The following SERPINI1 variants were observed in gnomAD, a reference collection of about 807,000 sequenced individuals.
SERPINI1 encodes neuroserpin.
A neutral mutation model predicts 41.1 loss-of-function variants in SERPINI1; 19 were observed. The observed-to-expected ratio is 0.46, with a 90% confidence interval of 0.32 to 0.68. SERPINI1 has a LOEUF of 0.68. Ranked by LOEUF, SERPINI1 falls within the 30% of genes least tolerant of loss-of-function variation. The pLI is 0.03. For missense variants in SERPINI1, 460 were observed against 479.2 expected (o/e 0.96, Z 0.37); for synonymous variants, 138 against 156.6 (o/e 0.88, Z 0.89).
At chr3:167,757,577 A>T (rs1434569817) in intron 1 of SERPINI1, among the ~76,000 whole-genome samples, 1 of 152,168 alleles carries the variant, frequency 6.6e-6, no homozygotes, top group South Asian at 2.1e-4. Context: ...ACTTGTAATC[A>T]TACTCCGTGT....
chr3:167,801,645 G>A (rs1213108805), intron 5 of SERPINI1, among the ~76,000 whole-genome samples: 1 of 152,020 alleles, frequency 6.6e-6, no homozygotes, highest in African/African-American at 2.4e-5. Context: ...GAGCATCATG[G>A]AAATCATTAA....
intron 1 of SERPINI1, among the ~76,000 whole-genome samples, chr3:167,781,962 C>T (rs905893815): frequency 2.6e-5 from 4 of 151,994 alleles, no homozygotes; most frequent in Admixed American, 2.6e-4. Context: ...TACACATATA[C>T]ACTTATATGC....
intron 1 of SERPINI1, among the ~76,000 whole-genome samples, chr3:167,784,200 A>T (rs1181363378): frequency 6.6e-6 from 1 of 152,108 alleles, no homozygotes; most frequent in Non-Finnish European, 1.5e-5. Flanking sequence ...GTCAGTGAAT[A>T]TTCTGGCCAG....
At chr3:167,803,413 C>A (rs898321852) in intron 5 of SERPINI1, among the ~76,000 whole-genome samples, 1 of 151,958 alleles carries the variant, frequency 6.6e-6, no homozygotes, top group Non-Finnish European at 1.5e-5. Context: ...ACATACGACA[C>A]CCTAACATCT....
chr3:167,812,599 T>C (rs1711931167), intron 6 of SERPINI1, among the ~76,000 whole-genome samples: 1 of 152,236 alleles, frequency 6.6e-6, no homozygotes, highest in Non-Finnish European at 1.5e-5. Context: ...GTGTCTAATA[T>C]TCCCTGCCAG....
intron 7 of SERPINI1, among the ~76,000 whole-genome samples, 179 bp from the exon 8 acceptor site, chr3:167,824,294 A>G (rs1049422645): frequency 6.6e-6 from 1 of 152,132 alleles, no homozygotes; most frequent in Non-Finnish European, 1.5e-5. Context: ...TTGCTTTTTA[A>G]AAAGATCAAG....
At chr3:167,777,725 T>A (rs762568155) in intron 1 of SERPINI1, among the ~76,000 whole-genome samples, 1 of 152,218 alleles carries the variant, frequency 6.6e-6, no homozygotes, top group Non-Finnish European at 1.5e-5. Flanking sequence ...CTGTTGGCAC[T>A]ACATATTCTC....
intron 6 of SERPINI1, among the ~76,000 whole-genome samples, chr3:167,817,790 G>A (rs930751217): frequency 4.4e-4 from 66 of 151,520 alleles, no homozygotes; most frequent in African/African-American, 1.5e-3. Flanking sequence ...TAGTAGAGAC[G>A]GGGTTTCACC....
At chr3:167,760,290 A>T (rs1726335974) in intron 1 of SERPINI1, among the ~76,000 whole-genome samples, 2 of 151,978 alleles carry the variant, frequency 1.3e-5, no homozygotes, top group East Asian at 1.9e-4. Flanking sequence ...AGATGTTACC[A>T]TAGTTGCAAT....
chr3:167,807,442 A>G, intron 6 of SERPINI1, 101 bp downstream of exon 6: 1 of 769,342 alleles, frequency 1.3e-6, no homozygotes, highest in Non-Finnish European at 2.2e-6. Context: ...GGGGTAAAAT[A>G]TAGTTACCAC....
At chr3:167,804,979 T>A (rs1711578153) in intron 5 of SERPINI1, among the ~76,000 whole-genome samples, 1 of 152,282 alleles carries the variant, frequency 6.6e-6, no homozygotes, top group East Asian at 1.9e-4. Flanking sequence ...AACTATTTTT[T>A]AAGTTAATAT....
At chr3:167,816,568 T>A (rs1712096355) in intron 6 of SERPINI1, among the ~76,000 whole-genome samples, 1 of 152,200 alleles carries the variant, frequency 6.6e-6, no homozygotes, top group African/African-American at 2.4e-5. Flanking sequence ...GTTAGCTCAT[T>A]CTTTAGACCC....
At chr3:167,772,820 G>C (rs1726803558) in intron 1 of SERPINI1, among the ~76,000 whole-genome samples, 1 of 67,734 alleles carries the variant, frequency 1.5e-5, no homozygotes. Context: ...GCAGTATCTT[G>C]AGACTCTCTC....
At chr3:167,748,391 T>A (rs1285838314) in intron 1 of SERPINI1, among the ~76,000 whole-genome samples, 1 of 152,182 alleles carries the variant, frequency 6.6e-6, no homozygotes. Flanking sequence ...TCAAGGAAGG[T>A]AATTTATATT....
chr3:167,823,782 C>A (rs1031959477), intron 7 of SERPINI1, among the ~76,000 whole-genome samples: 1 of 152,060 alleles, frequency 6.6e-6, no homozygotes, highest in African/African-American at 2.4e-5. Flanking sequence ...TAGTATTTTC[C>A]GAAGTAAATA....
At chr3:167,746,954 A>T (rs1725878813) in intron 1 of SERPINI1, among the ~76,000 whole-genome samples, 1 of 152,216 alleles carries the variant, frequency 6.6e-6, no homozygotes, top group South Asian at 2.1e-4. Flanking sequence ...AGTTGAAAAA[A>T]TGTTTGTCTA....
At chr3:167,789,015 T>C in intron 1 of SERPINI1, 96 bp from the exon 2 acceptor site, 1 of 1,194,066 alleles carries the variant, frequency 8.4e-7, no homozygotes. Flanking sequence ...TAACTGTTAA[T>C]TGACTTTTTA....
At chr3:167,747,122 T>C (rs1306337733) in intron 1 of SERPINI1, among the ~76,000 whole-genome samples, 2 of 152,206 alleles carry the variant, frequency 1.3e-5, no homozygotes, top group Non-Finnish European at 2.9e-5. Context: ...TACTACAGCA[T>C]GGATGGCCCT....
Position 167,824,472 on chromosome 3 carries a change from G to A in SERPINI1, c.1067-1G>A. ...ATAATTACTTTTTATCTGCACTGTAGGAATGATTGCAATTAGTAGGATGGC... is the reference window on the plus strand; with the variant it reads ...ATAATTACTTTTTATCTGCACTGTAAGAATGATTGCAATTAGTAGGATGGC... On this transcript the variant is annotated splice_acceptor_variant, in intron 7 of 8. Transcript: ENST00000446050. LOFTEE classifies it high-confidence loss of function. The A allele has an allele frequency of 6.2e-7, 1 of 1,611,432 alleles. No homozygotes were observed. Among genetic ancestry groups the A allele is most frequent in the Non-Finnish European group, 8.5e-7 (1 of 1,177,748 alleles).
Sources: allele counts gnomAD v4.1 joint callset (sites outside exome capture counted in the v4.1 genomes callset), GRCh38; gene constraint gnomAD v4.1.1; transcripts MANE v1.5; gene names NCBI Gene and HGNC (gene_info 2026-07-23, HGNC 2026-07-21).